SEC24C: variants seen among roughly 807,000 people sequenced by gnomAD.
SEC24C encodes protein transport protein Sec24C.
In SEC24C, 22 loss-of-function variants were observed where a neutral mutation model predicts 117.0. The ratio of observed to expected loss-of-function variants is 0.19; its 90% CI spans 0.13 to 0.27. The LOEUF (loss-of-function observed/expected upper bound fraction) is 0.27, where lower values mean the gene tolerates loss of function less well. SEC24C is among the 10% of genes least tolerant of loss of function. The probability of loss-of-function intolerance (pLI) is 1.00; values close to 1 mark genes in which losing one functional copy is unlikely to be tolerated. For missense variants in SEC24C, 1,155 were observed against 1,375.1 expected (o/e 0.84, Z 2.53); for synonymous variants, 506 against 529.4 (o/e 0.96, Z 0.61).
At chr10:73,760,941 A>C in intron 6 of SEC24C, 92 bp downstream of exon 6, 1 of 1,341,022 alleles carries the variant, frequency 7.5e-7, no homozygotes, top group Admixed American at 2.6e-5. Flanking sequence ...GCATTTTCTG[A>C]TAATTTTCCC....
chr10:73,746,004 A>G (rs2082543575), intron 1 of SEC24C, among the ~76,000 whole-genome samples: 1 of 151,788 alleles, frequency 6.6e-6, no homozygotes, highest in Admixed American at 6.6e-5. Flanking sequence ...TACTAAAAAT[A>G]CAAAAACTAG....
Position 73,760,402 on chromosome 10 carries a change from G to A in SEC24C, c.850+16G>A, listed in dbSNP as rs1421329887. Reference sequence around the variant, plus strand: ...CAACAAAATGGTGAGTCTTTCCCAAGGTCTGTCTTAGAAGCTAGAGGCTTC... The same window carrying A: ...CAACAAAATGGTGAGTCTTTCCCAAAGTCTGTCTTAGAAGCTAGAGGCTTC... On this transcript the variant is annotated intron_variant, in intron 5 of 22. Coordinates refer to ENST00000345254, the MANE Select transcript of SEC24C (RefSeq NM_198597.3). 1 of 1,570,674 alleles carries A rather than the reference G, an allele frequency of 6.4e-7. No individual in the cohort carries two copies.
intron 3 of SEC24C, among the ~76,000 whole-genome samples, chr10:73,758,904 A>G (rs1246063908): frequency 6.6e-6 from 1 of 152,090 alleles, no homozygotes; most frequent in African/African-American, 2.4e-5. Flanking sequence ...GCTGATGGGA[A>G]TAATCAGAGA....
In SEC24C at chr10:73,767,832, C is replaced by G. The variant is rs771323084; in HGVS notation, c.2011-5C>G. On this transcript the variant is annotated splice_region_variant and splice_polypyrimidine_tract_variant and intron_variant, in intron 14 of 22. Coordinates refer to ENST00000345254, the MANE Select transcript of SEC24C (RefSeq NM_198597.3). ...TTTTCTTCTCCCCATTTTCTTTCCC[C>G]CTAGACTCTGTTCCAGCCTCAGACA... is the stretch of plus-strand genomic sequence containing the variant. 19 of 1,603,934 alleles carry G rather than the reference C, an allele frequency of 1.2e-5. No homozygotes were observed. The highest frequency in any genetic ancestry group is 1.7e-4 in the Middle Eastern group (1 of 6,048).
intron 15 of SEC24C, 100 bp from the exon 16 acceptor site, chr10:73,768,710 T>C: frequency 3.9e-6 from 4 of 1,014,954 alleles, no homozygotes; most frequent in Admixed American, 1.9e-5. Flanking sequence ...ATGATGATGA[T>C]AATTAGGTGG....
intron 2 of SEC24C, among the ~76,000 whole-genome samples, chr10:73,747,208 A>G (rs1282314003): frequency 6.6e-6 from 1 of 151,736 alleles, no homozygotes; most frequent in Non-Finnish European, 1.5e-5. Flanking sequence ...TTTTTGAGAC[A>G]GTTTTGCTCT....
In SEC24C at chr10:73,767,830, C is replaced by A. The variant is rs1256029889; in HGVS notation, c.2011-7C>A. 1 of 1,600,876 alleles carries A rather than the reference C, an allele frequency of 6.2e-7. No individual in the cohort carries two copies. Among genetic ancestry groups the A allele is most frequent in the South Asian group, 1.1e-5 (1 of 88,562 alleles). ...CATTTTCTTCTCCCCATTTTCTTTC[C>A]CCCTAGACTCTGTTCCAGCCTCAGA... On this transcript the variant is annotated splice_region_variant and splice_polypyrimidine_tract_variant and intron_variant, in intron 14 of 22. Transcript: ENST00000345254.
rs146383433 is a variant in SEC24C, at chr10:73,770,964, G to T, written c.3154G>T (p.Val1052Leu). 9.9e-6 allele frequency: 16 copies of T among 1,614,186 alleles called. No individual in the cohort carries two copies. In the Middle Eastern group the frequency reaches 6.6e-4, roughly 67 times the overall value. Reference sequence around the variant, plus strand: ...TGAATTCTGGCCGTAGCTTACCGTGGTGAAACAGGAAGACAAGATGGAGAT... The same window carrying T: ...TGAATTCTGGCCGTAGCTTACCGTGTTGAAACAGGAAGACAAGATGGAGAT... ...QRSRYMKLTV[V>L]KQEDKMEMLF... Residue 1052 changes from valine (V) to leucine (L), a missense_variant, in exon 23 of 23, where the codon GTG becomes TTG. Transcript: ENST00000345254.
chr10:73,767,845 C>G lies in SEC24C; in HGVS notation c.2019C>G (p.Phe673Leu). 6.2e-7 allele frequency: 1 copy of G among 1,609,572 alleles called. No individual in the cohort carries two copies. Among genetic ancestry groups the G allele is most frequent in the Non-Finnish European group, 8.5e-7 (1 of 1,177,612 alleles). The change falls in exon 15 of 23, where the codon TTC (phenylalanine) becomes TTG (leucine). Residue 673 changes from phenylalanine (F) to leucine (L), a missense_variant. Physicochemically the swap from Phe to Leu is conservative, Grantham distance 22. Around this residue, in one of 2 missense-constraint regions of SEC24C, gnomAD observed 759 missense variants for 992.3 expected, o/e 0.76. Transcript: ENST00000345254. ...LINTDKEKTL[F>L]QPQTGAYQTL... ...ATTTTCTTTCCCCCTAGACTCTGTT[C>G]CAGCCTCAGACAGGTGCCTATCAGA...
At chr10:73,747,388 T>TATTTTGAGACAGAATCTCA (rs2082572388) in intron 2 of SEC24C, among the ~76,000 whole-genome samples, 1 of 151,918 alleles carries the variant, frequency 6.6e-6, no homozygotes. Flanking sequence ...ATAGAGTCTC[T>TATTTTGAGACAGAATCTCA]CTCTGTCGCC....
chr10:73,762,066 C>T (rs1484814386), intron 6 of SEC24C: 2 of 1,275,952 alleles, frequency 1.6e-6, no homozygotes, highest in East Asian at 5.6e-5. Context: ...CCTTGTATTC[C>T]CCTGCTGCAT....
At chr10:73,760,689 A>G in intron 5 of SEC24C, 24 bp from the exon 6 acceptor site, 1 of 1,561,610 alleles carries the variant, frequency 6.4e-7, no homozygotes, top group Non-Finnish European at 8.7e-7. Context: ...TTTTGAGTTC[A>G]TCAACCTTGT....
intron 3 of SEC24C, among the ~76,000 whole-genome samples, chr10:73,758,506 C>T (rs1017819219): frequency 1.5e-4 from 23 of 152,302 alleles, no homozygotes; most frequent in African/African-American, 5.3e-4. Flanking sequence ...AGAACATTTT[C>T]ATCATCTGAA....
Position 73,766,405 on chromosome 10 carries a change from G to T in SEC24C, c.1663G>T (p.Val555Leu). Residue 555 changes from valine to leucine, a missense_variant, in exon 12 of 23, where the codon GTG (valine) becomes TTG (leucine). Physicochemically the swap from Val to Leu is conservative, Grantham distance 32 (BLOSUM62 1). Around this residue, in one of 2 missense-constraint regions of SEC24C, gnomAD observed 759 missense variants for 992.3 expected, o/e 0.76. Transcript: ENST00000345254. ...IRVGFVTYNK[V>L]LHFYNVKSSL... ...CGTTGGCTTTGTCACCTACAATAAG[G>T]TGCTCCACTTCTATAATGTGAAGAG... 6.2e-7 allele frequency: 1 copy of T among 1,614,000 alleles called. No homozygotes were observed. Among genetic ancestry groups the T allele is most frequent in the Non-Finnish European group, 8.5e-7 (1 of 1,179,912 alleles).
chr10:73,753,775 C>CT (rs1248536345), intron 3 of SEC24C, among the ~76,000 whole-genome samples: 2 of 152,212 alleles, frequency 1.3e-5, no homozygotes, highest in Non-Finnish European at 2.9e-5. Context: ...CCACCTCTGT[C>CT]TTCTTTTTCT....
chr10:73,746,175 A>C (rs201030282), intron 1 of SEC24C, among the ~76,000 whole-genome samples: 4 of 151,568 alleles, frequency 2.6e-5, no homozygotes, highest in African/African-American at 4.8e-5. Flanking sequence ...AAAAAAAAAA[A>C]AAAAAAACCT....
In SEC24C at chr10:73,760,831, T is replaced by G. The variant is rs767376577; in HGVS notation, c.969T>G (p.Pro323=). 1.9e-6 allele frequency: 3 copies of G among 1,612,726 alleles called. No homozygotes were observed. The highest frequency in any genetic ancestry group is 1.3e-5 in the African/African-American group (1 of 74,834). The change falls in exon 6 of 23, where the codon CCT becomes CCG. Residue 323 remains proline, a synonymous_variant. Coordinates refer to ENST00000345254, the MANE Select transcript of SEC24C (RefSeq NM_198597.3). ...CACTGCCTCCTAAGCGCCTGGACCC[T>G]GATGCCATCCCAAGCCCTGTAAGTA... ...PQPLPPKRLD[P]DAIPSPIQVI... is the part of the protein sequence containing the mutation.
At chr10:73,770,579 T>TG in intron 21 of SEC24C, 108 bp downstream of exon 21, 1 of 1,507,430 alleles carries the variant, frequency 6.6e-7, no homozygotes. Context: ...AGGGAACACT[T>TG]GGGGACAAGG....
chr10:73,748,650 T>C (rs536993214), intron 2 of SEC24C, among the ~76,000 whole-genome samples: 1 of 152,284 alleles, frequency 6.6e-6, no homozygotes, highest in South Asian at 2.1e-4. Context: ...TTGGCCAGGC[T>C]GGTCTCAAAC....
Sources: allele counts gnomAD v4.1 joint callset (sites outside exome capture counted in the v4.1 genomes callset), GRCh38; gene constraint gnomAD v4.1.1; regional missense constraint gnomAD v4.1.1; transcripts MANE v1.5; gene names NCBI Gene and HGNC (gene_info 2026-07-23, HGNC 2026-07-21).